The following SLC24A2 variants were observed in gnomAD, a reference collection of about 807,000 sequenced individuals.
SLC24A2 encodes the protein sodium/potassium/calcium exchanger 2.
A neutral mutation model predicts 62.0 loss-of-function variants in SLC24A2; 36 were observed. That is an observed-to-expected ratio of 0.58 (90% CI 0.44 to 0.77). SLC24A2 has a LOEUF of 0.77. SLC24A2 is among the 30% of genes least tolerant of loss of function. SLC24A2 has a pLI of 0.00. For missense variants in SLC24A2, 846 were observed against 817.9 expected (o/e 1.03, Z -0.42); for synonymous variants, 358 against 294.0 (o/e 1.22, Z -2.23).
At chr9:19,602,849 A>G (rs184015452) in intron 4 of SLC24A2, among the ~76,000 whole-genome samples, 1 of 152,196 alleles carries the variant, frequency 6.6e-6, no homozygotes, top group African/African-American at 2.4e-5. Context: ...GTTAATCTGT[A>G]TAAAATGCTT....
chr9:20,230,540 T>A, the SLC24A2 span, among the ~76,000 whole-genome samples: 3 of 152,170 alleles, frequency 2.0e-5, no homozygotes, highest in East Asian at 1.9e-4. Context: ...TTCTTTTGAG[T>A]AGTGTCTGTT....
chr9:19,887,204 A>G, the SLC24A2 span, among the ~76,000 whole-genome samples: 1 of 152,184 alleles, frequency 6.6e-6, no homozygotes, highest in Admixed American at 6.5e-5. Context: ...CTGGAACTTA[A>G]AATTTTTAAA....
chr9:19,825,402 T>A, the SLC24A2 span, among the ~76,000 whole-genome samples: 6 of 152,138 alleles, frequency 3.9e-5, no homozygotes, highest in Admixed American at 3.9e-4. Context: ...ATGGGTCCCA[T>A]TGAATGAGGA....
the SLC24A2 span, among the ~76,000 whole-genome samples, chr9:20,078,823 T>A: frequency 6.6e-6 from 1 of 151,830 alleles, no homozygotes; most frequent in Non-Finnish European, 1.5e-5. Flanking sequence ...CAGCCCTCAA[T>A]CAATACTTAG....
intron 4 of SLC24A2, among the ~76,000 whole-genome samples, chr9:19,619,015 G>C (rs988676858): frequency 2.0e-5 from 3 of 152,142 alleles, no homozygotes; most frequent in African/African-American, 7.2e-5. Context: ...AGTGAGCCAG[G>C]CTTTTTGGGT....
At chr9:19,524,675 G>T (rs759480569) in intron 9 of SLC24A2, among the ~76,000 whole-genome samples, 58 of 152,166 alleles carry the variant, frequency 3.8e-4, no homozygotes, top group Non-Finnish European at 7.5e-4. Flanking sequence ...ATTTGTATAG[G>T]AGAAAAGAGA....
At chr9:20,007,631 A>G in the SLC24A2 span, among the ~76,000 whole-genome samples, 43 of 152,264 alleles carry the variant, frequency 2.8e-4, no homozygotes, top group African/African-American at 9.1e-4. Flanking sequence ...TTTCAACATG[A>G]AACTATTTTA....
the SLC24A2 span, among the ~76,000 whole-genome samples, chr9:19,839,105 G>A: frequency 2.0e-5 from 3 of 152,106 alleles, no homozygotes; most frequent in African/African-American, 7.2e-5. Context: ...CTTCTCAAAA[G>A]AAGACATTTA....
At chr9:20,043,028 C>A in the SLC24A2 span, among the ~76,000 whole-genome samples, 1 of 152,080 alleles carries the variant, frequency 6.6e-6, no homozygotes, top group African/African-American at 2.4e-5. Context: ...GAAATTGGAC[C>A]AATTAATAAC....
the SLC24A2 span, among the ~76,000 whole-genome samples, chr9:20,018,122 T>A: frequency 6.6e-6 from 1 of 152,256 alleles, no homozygotes; most frequent in South Asian, 2.1e-4. Context: ...AATTTTTTTG[T>A]ATTTTTAGTA....
chr9:19,726,517 A>C (rs1333773220), intron 2 of SLC24A2, among the ~76,000 whole-genome samples: 1 of 152,200 alleles, frequency 6.6e-6, no homozygotes, highest in East Asian at 1.9e-4. Context: ...CAACAGGAAA[A>C]GGAACAGAAG....
At chr9:20,115,421 G>A in the SLC24A2 span, among the ~76,000 whole-genome samples, 1 of 152,056 alleles carries the variant, frequency 6.6e-6, no homozygotes, top group Non-Finnish European at 1.5e-5. Context: ...GTGCTTGTGG[G>A]GAGAAACAAG....
At chr9:19,665,631 G>T (rs1819230234) in intron 2 of SLC24A2, among the ~76,000 whole-genome samples, 1 of 151,998 alleles carries the variant, frequency 6.6e-6, no homozygotes, top group Non-Finnish European at 1.5e-5. Flanking sequence ...TTCCTTATTT[G>T]TTGTTGTTGT....
At chr9:20,105,003 A>C in the SLC24A2 span, among the ~76,000 whole-genome samples, 1 of 152,254 alleles carries the variant, frequency 6.6e-6, no homozygotes, top group African/African-American at 2.4e-5. Flanking sequence ...ACGGAGGAAG[A>C]TCTACCAAGC....
the SLC24A2 span, among the ~76,000 whole-genome samples, chr9:20,281,832 T>A: frequency 6.6e-6 from 1 of 152,196 alleles, no homozygotes; most frequent in African/African-American, 2.4e-5. Context: ...CTGGGGAAAA[T>A]TGATATCTCT....
the SLC24A2 span, among the ~76,000 whole-genome samples, chr9:20,176,173 C>A: frequency 6.6e-6 from 1 of 151,992 alleles, no homozygotes; most frequent in African/African-American, 2.4e-5. Context: ...GGCTACGGTT[C>A]CATGAAGCTC....
intron 2 of SLC24A2, among the ~76,000 whole-genome samples, chr9:19,683,242 T>C (rs1819775306): frequency 6.6e-6 from 1 of 152,164 alleles, no homozygotes; most frequent in South Asian, 2.1e-4. Context: ...AGATGCAGTT[T>C]AGTGGGACAG....
chr9:19,824,092 T>C, the SLC24A2 span, among the ~76,000 whole-genome samples: 1 of 151,940 alleles, frequency 6.6e-6, no homozygotes, highest in Non-Finnish European at 1.5e-5. Context: ...TAGACAGTAA[T>C]ATTCAGGACA....
chr9:20,177,297 T>A, the SLC24A2 span, among the ~76,000 whole-genome samples: 1,108 of 152,266 alleles, frequency 7.3e-3, 16 homozygotes, highest in African/African-American at 0.026. Flanking sequence ...TTTAAAAATG[T>A]TAATCCAAAC....
Sources: allele counts gnomAD v4.1 joint callset (sites outside exome capture counted in the v4.1 genomes callset), GRCh38; gene constraint gnomAD v4.1.1; transcripts MANE v1.5; gene names NCBI Gene and HGNC (gene_info 2026-07-23, HGNC 2026-07-21).